ADAMTS19: variants seen among roughly 807,000 people sequenced by gnomAD.
ADAMTS19 encodes the protein ADAM metallopeptidase with thrombospondin type 1 motif 19.
Under a neutral mutation model 153.3 loss-of-function variants are expected in ADAMTS19, and 93 were observed. That is an observed-to-expected ratio of 0.61 (90% CI 0.51 to 0.72). ADAMTS19 has a LOEUF of 0.72. Ranked by LOEUF, ADAMTS19 falls within the 30% of genes least tolerant of loss-of-function variation. ADAMTS19 has a pLI of 0.00. For missense variants in ADAMTS19, 1,482 were observed against 1,552.1 expected (o/e 0.95, Z 0.76); for synonymous variants, 600 against 556.6 (o/e 1.08, Z -1.10).
chr5:129,468,492 T>C (rs1333695078), intron 2 of ADAMTS19, among the ~76,000 whole-genome samples: 1 of 152,072 alleles, frequency 6.6e-6, no homozygotes, highest in East Asian at 1.9e-4. Flanking sequence ...TAGCTGGGAC[T>C]ACAGGCGCGC....
intron 10 of ADAMTS19, among the ~76,000 whole-genome samples, chr5:129,640,265 T>C (rs1752733907): frequency 6.6e-6 from 1 of 152,156 alleles, no homozygotes; most frequent in Non-Finnish European, 1.5e-5. Context: ...TTTTGAAATA[T>C]ACAGTAAATT....
At chr5:129,638,780 A>G (rs969769348) in intron 10 of ADAMTS19, among the ~76,000 whole-genome samples, 2 of 152,198 alleles carry the variant, frequency 1.3e-5, no homozygotes, top group Non-Finnish European at 2.9e-5. Context: ...TTCAATGCAT[A>G]CGCAGTTAAA....
intron 21 of ADAMTS19, among the ~76,000 whole-genome samples, chr5:129,723,360 T>A (rs7701211): frequency 0.019 from 2,949 of 152,244 alleles, 82 homozygotes; most frequent in African/African-American, 0.065. Context: ...CAGGTAATAA[T>A]GTAGGAAATG....
At chr5:129,714,122 A>G (rs1756602442) in intron 21 of ADAMTS19, among the ~76,000 whole-genome samples, 1 of 152,230 alleles carries the variant, frequency 6.6e-6, no homozygotes, top group Admixed American at 6.5e-5. Context: ...AGAATGGATT[A>G]GAAAAATACA....
intron 22 of ADAMTS19, among the ~76,000 whole-genome samples, 164 bp downstream of exon 22, chr5:129,735,273 G>A (rs1473005959): frequency 6.7e-6 from 1 of 149,656 alleles, no homozygotes; most frequent in Non-Finnish European, 1.5e-5. Context: ...CAAATGGTCA[G>A]GTGGGTAAAA....
chr5:129,481,237 G>A (rs1361703789), intron 2 of ADAMTS19, among the ~76,000 whole-genome samples: 1 of 152,174 alleles, frequency 6.6e-6, no homozygotes, highest in Non-Finnish European at 1.5e-5. Context: ...TCACAAGGTG[G>A]CAGGAGAGAG....
intron 9 of ADAMTS19, among the ~76,000 whole-genome samples, chr5:129,621,066 A>G (rs1283410705): frequency 3.9e-5 from 6 of 152,200 alleles, no homozygotes; most frequent in Admixed American, 3.9e-4. Flanking sequence ...CCCAGTGGAA[A>G]TATTCACACT....
At chr5:129,487,224 A>G (rs1165977193) in intron 2 of ADAMTS19, among the ~76,000 whole-genome samples, 2 of 151,984 alleles carry the variant, frequency 1.3e-5, no homozygotes, top group African/African-American at 4.8e-5. Flanking sequence ...CTTCTTTTCA[A>G]AGGAATACTT....
chr5:129,709,535 A>G (rs1399656701), intron 21 of ADAMTS19, among the ~76,000 whole-genome samples: 1 of 152,170 alleles, frequency 6.6e-6, no homozygotes, highest in Non-Finnish European at 1.5e-5. Flanking sequence ...AATTGTTTAA[A>G]AAAGTTCAAA....
chr5:129,689,268 C>A (rs938692233), intron 18 of ADAMTS19, among the ~76,000 whole-genome samples: 19 of 152,176 alleles, frequency 1.2e-4, no homozygotes, highest in African/African-American at 4.6e-4. Context: ...CTAGACACTG[C>A]TTCCCTTGTC....
intron 6 of ADAMTS19, among the ~76,000 whole-genome samples, chr5:129,544,294 T>C (rs1323573598): frequency 6.6e-6 from 1 of 152,192 alleles, no homozygotes; most frequent in Non-Finnish European, 1.5e-5. Context: ...CTATTAAATA[T>C]CAACTGAACA....
chr5:129,705,719 A>C (rs1756120860), intron 21 of ADAMTS19, among the ~76,000 whole-genome samples: 1 of 152,174 alleles, frequency 6.6e-6, no homozygotes, highest in African/African-American at 2.4e-5. Context: ...ACTACAACTA[A>C]TTTATTTTAT....
chr5:129,518,584 TG>T (rs148276982), intron 3 of ADAMTS19, among the ~76,000 whole-genome samples: 2,005 of 152,254 alleles, frequency 0.013, 49 homozygotes, highest in African/African-American at 0.045. Context: ...GTATGTTTTT[TG>T]TTTCTTTTCT....
rs186138053 is a variant in ADAMTS19 at position 129,716,493 on chromosome 5, G to A, written c.3312+12102G>A. Among the ~76,000 whole-genome samples the A allele has an allele frequency of 7.6e-3, 1,161 of 151,930 alleles. 9 individuals are homozygous for A. The highest frequency in any genetic ancestry group is 0.011 in the Non-Finnish European group (728 of 67,940). ...AGATGAGTCATTAGCCACCAAGCCC[G>A]GCCCTCATCTTTAAAATATACATAT... On this transcript the variant is annotated intron_variant, in intron 21 of 22. Coordinates refer to ENST00000274487, the MANE Select transcript of ADAMTS19 (RefSeq NM_133638.6).
chr5:129,617,811 T>C (rs1751598495), intron 8 of ADAMTS19, among the ~76,000 whole-genome samples: 1 of 152,076 alleles, frequency 6.6e-6, no homozygotes, highest in Non-Finnish European at 1.5e-5. Context: ...TTCTTGGTTT[T>C]TCTGAAGGGC....
At chr5:129,622,713 A>G (rs1313103725) in intron 10 of ADAMTS19, among the ~76,000 whole-genome samples, 2 of 152,146 alleles carry the variant, frequency 1.3e-5, no homozygotes, top group African/African-American at 2.4e-5. Flanking sequence ...CTGAGCAGAT[A>G]CCAAAACTCC....
chr5:129,627,773 T>C (rs560582493), intron 10 of ADAMTS19, among the ~76,000 whole-genome samples: 2 of 152,152 alleles, frequency 1.3e-5, no homozygotes, highest in African/African-American at 4.8e-5. Flanking sequence ...ATGGCTATTA[T>C]TAGAAAATCA....
intron 2 of ADAMTS19, among the ~76,000 whole-genome samples, chr5:129,496,490 TC>T (rs112158057): frequency 3.9e-5 from 6 of 152,202 alleles, no homozygotes; most frequent in African/African-American, 1.4e-4. Context: ...AGTGCTATGG[TC>T]CTTGAGTAGT....
intron 8 of ADAMTS19, among the ~76,000 whole-genome samples, chr5:129,602,801 T>C (rs1750723053): frequency 6.6e-6 from 1 of 150,994 alleles, no homozygotes; most frequent in Admixed American, 6.6e-5. Context: ...GGGAAACACA[T>C]TTTTGTATTG....
Sources: allele counts gnomAD v4.1 joint callset (sites outside exome capture counted in the v4.1 genomes callset), GRCh38; gene constraint gnomAD v4.1.1; transcripts MANE v1.5; gene names NCBI Gene and HGNC (gene_info 2026-07-23, HGNC 2026-07-21).